The following SV2B variants were observed in gnomAD, a reference collection of about 807,000 sequenced individuals.
SV2B encodes solute carrier family 22 member B2.
In SV2B, 41 loss-of-function variants were observed where a neutral mutation model predicts 73.9. The ratio of observed to expected loss-of-function variants is 0.56; its 90% CI spans 0.43 to 0.72. SV2B has a LOEUF of 0.72. Ranked by LOEUF, SV2B falls within the 30% of genes least tolerant of loss-of-function variation. The probability of loss-of-function intolerance (pLI) is 0.00; values close to 1 mark genes in which losing one functional copy is unlikely to be tolerated. For missense variants in SV2B, 764 were observed against 857.8 expected (o/e 0.89, Z 1.37); for synonymous variants, 314 against 314.2 (o/e 1.00, Z 0.01).
chr15:91,114,183 C>CAAAAAAAAAA (rs11372573), intron 1 of SV2B, among the ~76,000 whole-genome samples: 1 of 55,960 alleles, frequency 1.8e-5, no homozygotes, highest in African/African-American at 6.7e-5. Flanking sequence ...GACTCCATCT[C>CAAAAAAAAAA]AAAAAAAAAA....
rs1396005607 is a variant in SV2B, at chr15:91,139,751, A to T, written c.-392+39388A>T. Among the ~76,000 whole-genome samples, 4 of 152,232 alleles carry T rather than the reference A, an allele frequency of 2.6e-5. No homozygotes were observed. The highest frequency in any genetic ancestry group is 7.2e-5 in the African/African-American group (3 of 41,454). On this transcript the variant is annotated intron_variant, in intron 1 of 12. Transcript: ENST00000394232. The surrounding 1 kb of genome is among the most constrained non-coding windows in gnomAD (Gnocchi z 5.2). ...CATTAGGGTGACTGTAACAATTATC[A>T]TCTAAACTGAGACACTTTTGAGGAT...
At chr15:91,185,075 G>C (rs1385502243) in intron 1 of SV2B, among the ~76,000 whole-genome samples, 1 of 152,132 alleles carries the variant, frequency 6.6e-6, no homozygotes. Flanking sequence ...TCAGTTAAAG[G>C]ACTTTTTCTT....
In SV2B at chr15:91,265,873, T is replaced by G. The variant is rs1009396080; in HGVS notation, c.1009-709T>G. Among the ~76,000 whole-genome samples, 2 of 152,238 alleles carry G rather than the reference T, an allele frequency of 1.3e-5. No homozygotes were observed. The highest frequency in any genetic ancestry group is 2.9e-5 in the Non-Finnish European group (2 of 68,052). ...GAACCACTGTTTTGGCTGGGCGCAG[T>G]GGCTCACGCCTATAATCCCAGCACT... On this transcript the variant is annotated intron_variant, in intron 6 of 12. Coordinates refer to ENST00000394232, the MANE Select transcript of SV2B (RefSeq NM_001323032.3). The surrounding 1 kb of genome is among the most constrained non-coding windows in gnomAD (Gnocchi z 4.2).
Position 91,268,378 on chromosome 15 carries a change from A to G in SV2B, c.1209-63A>G. 6.5e-7 allele frequency: 1 copy of G among 1,529,346 alleles called. No individual in the cohort carries two copies. Among genetic ancestry groups the G allele is most frequent in the South Asian group, 1.2e-5 (1 of 81,536 alleles). The allele number at this position is 1,529,346 out of a possible 1,614,324, so 94.7% of individuals were successfully genotyped here. A position where few individuals can be genotyped will look rare whatever the true frequency, so the allele number is the denominator to read the frequency against. On this transcript the variant is annotated intron_variant, in intron 8 of 12. Transcript: ENST00000394232. The surrounding 1 kb of genome is among the most constrained non-coding windows in gnomAD (Gnocchi z 4.4). Reference sequence around the variant, plus strand: ...TTGATCTGCATCAAGTCAAGAGTGTAGACCCTGATCATGAAAGAATGAATC... The same window carrying G: ...TTGATCTGCATCAAGTCAAGAGTGTGGACCCTGATCATGAAAGAATGAATC...
rs200437323 is a variant in SV2B at position 91,283,986 on chromosome 15, A to G, written c.1508-35A>G. ...GCCTTTCTCTCTCCAGCTCCCTTCC[A>G]CTTACATGAACCGAAGGTTTCCTTC... On this transcript the variant is annotated intron_variant, in intron 10 of 12. Transcript: ENST00000394232. This position sits in a 1 kb window ranked among gnomAD's most constrained non-coding sequence, Gnocchi z 4.3. The G allele has an allele frequency of 3.1e-6, 5 of 1,609,312 alleles. No individual in the cohort carries two copies. The African/African-American group carries it at 4.0e-5, about 13-fold the overall frequency.
At chr15:91,247,135 T>A (rs2047267404) in intron 2 of SV2B, among the ~76,000 whole-genome samples, 2 of 152,164 alleles carry the variant, frequency 1.3e-5, no homozygotes, top group African/African-American at 4.8e-5. Flanking sequence ...CTCTTCTTAT[T>A]CTCTCTGGTA....
chr15:91,265,861 G>A lies in SV2B; in HGVS notation c.1009-721G>A, dbSNP rs1032033207. On this transcript the variant is annotated intron_variant, in intron 6 of 12. Transcript: ENST00000394232. The surrounding 1 kb of genome is among the most constrained non-coding windows in gnomAD (Gnocchi z 4.2). ...CCAAAAGCTTAAGAACCACTGTTTT[G>A]GCTGGGCGCAGTGGCTCACGCCTAT... Among the ~76,000 whole-genome samples the A allele has an allele frequency of 2.6e-5, 4 of 152,220 alleles. No homozygotes were observed. The highest frequency in any genetic ancestry group is 9.7e-5 in the African/African-American group (4 of 41,446).
chr15:91,249,881 C>T (rs539141691), intron 2 of SV2B, among the ~76,000 whole-genome samples: 15 of 152,330 alleles, frequency 9.8e-5, no homozygotes, highest in Admixed American at 3.3e-4. Flanking sequence ...AAAAACCTCT[C>T]GACGAAGAAA....
rs935919239 is a variant in SV2B at position 91,288,021 on chromosome 15, A to G, written c.1709-1500A>G. ...GGGAGGAGTTGGGGAGGGGTACTCC[A>G]GCCACCTTCCCCTCCCAACTGATAA... On this transcript the variant is annotated intron_variant, in intron 11 of 12. Coordinates refer to ENST00000394232, the MANE Select transcript of SV2B (RefSeq NM_001323032.3). The surrounding 1 kb of genome is among the most constrained non-coding windows in gnomAD (Gnocchi z 5.8). 6.6e-6 allele frequency among the ~76,000 whole-genome samples: 1 copy of G among 152,146 alleles called. No individual in the cohort carries two copies. The highest frequency in any genetic ancestry group is 1.5e-5 in the Non-Finnish European group (1 of 68,026).
At position 91,128,638 on chromosome 15, in the gene SV2B, A is replaced by G. The variant is rs1194946182; in HGVS notation, c.-392+28275A>G. 1 of 152,250 alleles carries G rather than the reference A, an allele frequency of 6.6e-6. No individual in the cohort carries two copies. Among genetic ancestry groups the G allele is most frequent in the Non-Finnish European group, 1.5e-5 (1 of 68,090 alleles). The allele number at this position is 152,250 out of a possible 1,614,324, so 9.4% of individuals were successfully genotyped here. Reference sequence around the variant, plus strand: ...TTCCCCAAAGCCAGCCATAAAACCTAAAAATACTACTCCCACTTCCCTCTG... The same window carrying G: ...TTCCCCAAAGCCAGCCATAAAACCTGAAAATACTACTCCCACTTCCCTCTG... On this transcript the variant is annotated intron_variant, in intron 1 of 12. Transcript: ENST00000394232. The surrounding 1 kb of genome is among the most constrained non-coding windows in gnomAD (Gnocchi z 4.2).
chr15:91,113,866 A>T (rs1293670545), intron 1 of SV2B, among the ~76,000 whole-genome samples: 1 of 152,102 alleles, frequency 6.6e-6, no homozygotes, highest in African/African-American at 2.4e-5. Flanking sequence ...TGAGTCATTG[A>T]AGGAGATCAT....
rs2048157069 is a variant in SV2B, at chr15:91,267,770, G to T, written c.1208+127G>T. 4 of 731,206 alleles carry T rather than the reference G, an allele frequency of 5.5e-6. No homozygotes were observed. Among genetic ancestry groups the T allele is most frequent in the East Asian group, 5.6e-5 (2 of 35,658 alleles). 45.3% of individuals were successfully genotyped at this position (731,206 alleles called of 1,614,324 possible). A position where few individuals can be genotyped will look rare whatever the true frequency, so the allele number is the denominator to read the frequency against. ...TAGGATGCTTTGGTGGCAAGTAGCA[G>T]AAAACCAACTCTAGTGGCTTCTACA... On this transcript the variant is annotated intron_variant, in intron 8 of 12. Coordinates refer to ENST00000394232, the MANE Select transcript of SV2B (RefSeq NM_001323032.3). This position sits in a 1 kb window ranked among gnomAD's most constrained non-coding sequence, Gnocchi z 4.3.
rs567624089 is a variant in SV2B at position 91,288,535 on chromosome 15, A to C, written c.1709-986A>C. The stretch of plus-strand genomic sequence containing the variant: ...GATGTTTCTGTGCCTGGTTTACCCC[A>C]TGGACTGTATCTAGCATCCTGCCTT... On this transcript the variant is annotated intron_variant, in intron 11 of 12. Transcript: ENST00000394232. This position sits in a 1 kb window ranked among gnomAD's most constrained non-coding sequence, Gnocchi z 5.8. Among the ~76,000 whole-genome samples the C allele has an allele frequency of 1.3e-5, 2 of 152,246 alleles. No individual in the cohort carries two copies. Among genetic ancestry groups the C allele is most frequent in the South Asian group, 4.2e-4 (2 of 4,816 alleles).
intron 1 of SV2B, among the ~76,000 whole-genome samples, chr15:91,221,693 G>GCGCGCGCGCGCGCACACACACA (rs370290337): frequency 6.7e-4 from 94 of 140,156 alleles, no homozygotes; most frequent in African/African-American, 2.0e-3. Flanking sequence ...AAGCATGTGC[G>GCGCGCGCGCGCGCACACACACA]CACACACACA....
intron 1 of SV2B, among the ~76,000 whole-genome samples, chr15:91,194,756 C>T (rs552279521): frequency 6.6e-6 from 1 of 152,184 alleles, no homozygotes; most frequent in African/African-American, 2.4e-5. Flanking sequence ...GATGCTGTTA[C>T]TCCTTGTGGT....
At chr15:91,199,188 G>A (rs904573608) in intron 1 of SV2B, among the ~76,000 whole-genome samples, 2 of 152,072 alleles carry the variant, frequency 1.3e-5, no homozygotes, top group Admixed American at 6.6e-5. Context: ...AAAAAATCAT[G>A]TAAACTATAG....
intron 2 of SV2B, among the ~76,000 whole-genome samples, chr15:91,235,853 C>CTGG (rs1254586185): frequency 6.6e-6 from 1 of 151,516 alleles, no homozygotes; most frequent in African/African-American, 2.4e-5. Flanking sequence ...TTTAGTTTTA[C>CTGG]TGGGAATAAA....
rs1300547016 is a variant in SV2B at position 91,226,226 on chromosome 15, T to C, written c.-38T>C. On this transcript the variant is annotated 5_prime_UTR_variant, in exon 2 of 13. It removes the in-frame stop codon of an upstream open reading frame in the 5' UTR. Coordinates refer to ENST00000394232, the MANE Select transcript of SV2B (RefSeq NM_001323032.3). ...AACCTCTACCACAGAGCGAGGGATA[T>C]AGCTCAAGGGGCAACCAGGCAGTCG... 6.2e-7 allele frequency: 1 copy of C among 1,605,504 alleles called. No individual in the cohort carries two copies. The highest frequency in any genetic ancestry group is 8.5e-7 in the Non-Finnish European group (1 of 1,173,508).
rs2047542729 is a variant in SV2B at position 91,252,808 on chromosome 15, A to G, written c.784+288A>G. 1.3e-5 allele frequency among the ~76,000 whole-genome samples: 2 copies of G among 151,276 alleles called. No homozygotes were observed. The highest frequency in any genetic ancestry group is 4.9e-5 in the African/African-American group (2 of 41,064). The stretch of plus-strand genomic sequence containing the variant: ...TCTTGTTTCCTTACTTTTATTTGAA[A>G]TAATTTCAACCTTCATCTCCTCCAG... On this transcript the variant is annotated intron_variant, in intron 4 of 12. Coordinates refer to ENST00000394232, the MANE Select transcript of SV2B (RefSeq NM_001323032.3). The surrounding 1 kb of genome is among the most constrained non-coding windows in gnomAD (Gnocchi z 4.6).
Sources: allele counts gnomAD v4.1 joint callset (sites outside exome capture counted in the v4.1 genomes callset), GRCh38; gene constraint gnomAD v4.1.1; non-coding constraint Gnocchi (gnomAD v3.1); transcripts MANE v1.5; gene names NCBI Gene and HGNC (gene_info 2026-07-23, HGNC 2026-07-21).